Variants in PDZRN4 observed in about 807,000 individuals in gnomAD.
PDZRN4 encodes the protein PDZ domain-containing RING finger protein 4.
Under a neutral mutation model 99.0 loss-of-function variants are expected in PDZRN4, and 70 were observed. The ratio of observed to expected loss-of-function variants is 0.71; its 90% CI spans 0.58 to 0.86. The LOEUF (loss-of-function observed/expected upper bound fraction) is 0.86, where lower values mean the gene tolerates loss of function less well. Among genes scored for constraint, PDZRN4 ranks in the 40% least tolerant of loss-of-function variants. The probability of loss-of-function intolerance (pLI) is 0.00; values close to 1 mark genes in which losing one functional copy is unlikely to be tolerated. For synonymous variants in PDZRN4, 551 were observed against 501.6 expected (o/e 1.10, Z -1.32); for missense variants, 1,474 against 1,331.2 (o/e 1.11, Z -1.67).
intron 8 of PDZRN4, among the ~76,000 whole-genome samples, chr12:41,565,772 C>T (rs1939359210): frequency 6.6e-6 from 1 of 152,112 alleles, no homozygotes; most frequent in African/African-American, 2.4e-5. Flanking sequence ...GCTTTTCTGT[C>T]CTATTTCCCT....
At chr12:41,298,541 A>G (rs1296723611) in intron 3 of PDZRN4, among the ~76,000 whole-genome samples, 1 of 152,178 alleles carries the variant, frequency 6.6e-6, no homozygotes, top group Non-Finnish European at 1.5e-5. Flanking sequence ...TAAAAATGAT[A>G]TGCTTTCTGT....
chr12:41,204,472 T>G (rs1591966643), intron 3 of PDZRN4, among the ~76,000 whole-genome samples: 1 of 152,008 alleles, frequency 6.6e-6, no homozygotes, highest in East Asian at 1.9e-4. Flanking sequence ...GTTTGGAGCC[T>G]GTATTAGTCC....
chr12:41,344,401 T>TA, intron 3 of PDZRN4, among the ~76,000 whole-genome samples: 1 of 152,112 alleles, frequency 6.6e-6, no homozygotes, highest in Non-Finnish European at 1.5e-5. Flanking sequence ...GACCCACTCT[T>TA]AGACAAGCTC....
intron 3 of PDZRN4, among the ~76,000 whole-genome samples, chr12:41,318,620 A>G (rs977126294): frequency 6.6e-6 from 1 of 152,154 alleles, no homozygotes; most frequent in African/African-American, 2.4e-5. Context: ...CATTTGTATC[A>G]CACTTTACTT....
Position 41,554,724 on chromosome 12 carries a change from T to C in PDZRN4, c.1303-974T>C, listed in dbSNP as rs566360952. Among the ~76,000 whole-genome samples, 49 of 152,286 alleles carry C rather than the reference T, an allele frequency of 3.2e-4. No homozygotes were observed. The South Asian group carries it at 9.5e-3, about 30-fold the overall frequency. Reference sequence around the variant, plus strand: ...AGCTCCTAATACAGCCTTAAATATCTATACATTCTAAAATAGTTTATAGTT... The same window carrying C: ...AGCTCCTAATACAGCCTTAAATATCCATACATTCTAAAATAGTTTATAGTT... On this transcript the variant is annotated intron_variant, in intron 6 of 9. Transcript: ENST00000402685.
chr12:41,380,490 CCTTT>C (rs775351770), intron 3 of PDZRN4, among the ~76,000 whole-genome samples: 2 of 151,792 alleles, frequency 1.3e-5, no homozygotes, highest in South Asian at 4.2e-4. Context: ...TTCTGTTAAA[CCTTT>C]CTTTATTTAC....
intron 2 of PDZRN4, among the ~76,000 whole-genome samples, chr12:41,193,359 T>A (rs917850417): frequency 6.6e-6 from 1 of 152,224 alleles, no homozygotes; most frequent in East Asian, 1.9e-4. Flanking sequence ...AATTATATAA[T>A]GTATTATTAT....
At chr12:41,323,756 T>G (rs956745873) in intron 3 of PDZRN4, among the ~76,000 whole-genome samples, 1 of 151,980 alleles carries the variant, frequency 6.6e-6, no homozygotes, top group African/African-American at 2.4e-5. Flanking sequence ...TATCTAAATA[T>G]TTTCTGCACA....
intron 9 of PDZRN4, among the ~76,000 whole-genome samples, chr12:41,571,370 T>A (rs1343262619): frequency 1.1e-4 from 10 of 94,126 alleles, no homozygotes; most frequent in African/African-American, 5.6e-4. Flanking sequence ...TCTCTCTCTC[T>A]CTCTCTCACA....
chr12:41,425,193 T>TAAAAC (rs1952525173), intron 3 of PDZRN4, among the ~76,000 whole-genome samples: 1 of 152,084 alleles, frequency 6.6e-6, no homozygotes, highest in African/African-American at 2.4e-5. Context: ...TTTTAAAACT[T>TAAAAC]AAAACATTAT....
rs187075591 is a variant in PDZRN4 at position 41,245,843 on chromosome 12, T to C, written c.843+51655T>C. Among the ~76,000 whole-genome samples, 99 of 152,264 alleles carry C rather than the reference T, an allele frequency of 6.5e-4. No individual in the cohort carries two copies. The Middle Eastern group carries it at 0.02, about 31-fold the overall frequency. ...AGCAAAAGAAGGGCAGCCCCACCCT[T>C]ATGTCACATCTGCCCTGCAAAGAAA... On this transcript the variant is annotated intron_variant, in intron 3 of 9. Coordinates refer to ENST00000402685, the MANE Select transcript of PDZRN4 (RefSeq NM_001164595.2).
In PDZRN4 at chr12:41,271,010, T is replaced by A. The variant is rs118111607; in HGVS notation, c.843+76822T>A. On this transcript the variant is annotated intron_variant, in intron 3 of 9. Transcript: ENST00000402685. ...TTTATTTTCTAAATCTGAAATATAG[T>A]CTTCGTAGCATCACATATATGACTA... Among the ~76,000 whole-genome samples, 1,335 of 152,160 alleles carry A rather than the reference T, an allele frequency of 8.8e-3. 8 individuals carry two copies. Among genetic ancestry groups the A allele is most frequent in the Middle Eastern group, 0.014 (4 of 290 alleles).
intron 3 of PDZRN4, among the ~76,000 whole-genome samples, chr12:41,194,416 C>T (rs1463331769): frequency 6.6e-6 from 1 of 152,136 alleles, no homozygotes; most frequent in Non-Finnish European, 1.5e-5. Context: ...AGGAGCATCA[C>T]GTGAGCTTAG....
chr12:41,349,621 A>G (rs1951877193), intron 3 of PDZRN4, among the ~76,000 whole-genome samples: 1 of 151,992 alleles, frequency 6.6e-6, no homozygotes, highest in South Asian at 2.1e-4. Context: ...CTTCCTTAAA[A>G]ACATTAATTA....
chr12:41,299,495 C>T (rs1368415237), intron 3 of PDZRN4, among the ~76,000 whole-genome samples: 1 of 151,942 alleles, frequency 6.6e-6, no homozygotes, highest in African/African-American at 2.4e-5. Flanking sequence ...TTTTCTTGCC[C>T]AGAATTCATT....
intron 3 of PDZRN4, among the ~76,000 whole-genome samples, chr12:41,300,112 A>G (rs536248202): frequency 8.6e-4 from 130 of 152,028 alleles, no homozygotes; most frequent in African/African-American, 2.9e-3. Flanking sequence ...ATCTTTAGGT[A>G]TATATTACTG....
chr12:41,384,638 T>C (rs750298154), intron 3 of PDZRN4, among the ~76,000 whole-genome samples: 60 of 152,260 alleles, frequency 3.9e-4, no homozygotes, highest in Non-Finnish European at 6.6e-4. Flanking sequence ...GTTGACTCTC[T>C]CTTATTTCTT....
chr12:41,267,776 G>T (rs1226583121), intron 3 of PDZRN4, among the ~76,000 whole-genome samples: 2 of 152,110 alleles, frequency 1.3e-5, no homozygotes, highest in Admixed American at 6.5e-5. Flanking sequence ...AGGAGATGGA[G>T]GTTGCAGTGA....
At chr12:41,475,454 C>T (rs1219288555) in intron 3 of PDZRN4, among the ~76,000 whole-genome samples, 1 of 152,098 alleles carries the variant, frequency 6.6e-6, no homozygotes, top group Non-Finnish European at 1.5e-5. Context: ...ATGACTATTG[C>T]TTTCATGGCA....
Sources: allele counts gnomAD v4.1 joint callset (sites outside exome capture counted in the v4.1 genomes callset), GRCh38; gene constraint gnomAD v4.1.1; transcripts MANE v1.5; gene names NCBI Gene and HGNC (gene_info 2026-07-23, HGNC 2026-07-21).